PWWP2A: variants seen among roughly 807,000 people sequenced by gnomAD.
PWWP2A encodes PWWP domain containing 2A.
Under a neutral mutation model 48.5 loss-of-function variants are expected in PWWP2A, and 18 were observed. The observed-to-expected ratio is 0.37, with a 90% CI of 0.26 to 0.55. PWWP2A has a LOEUF of 0.55. Among genes scored for constraint, PWWP2A ranks in the 20% least tolerant of loss-of-function variants. The pLI is 0.81. For missense variants in PWWP2A, 867 were observed against 976.4 expected, an observed-to-expected ratio of 0.89 and a Z score of 1.49; for synonymous variants, 396 against 387.7, an observed-to-expected ratio of 1.02 and a Z score of -0.25.
At chr5:160,058,140 C>A, downstream of PWWP2A, among the ~76,000 whole-genome samples, 1 of 152,194 alleles carries the variant, frequency 6.6e-6, no homozygotes, top group Non-Finnish European at 1.5e-5. Flanking sequence ...GAGGAGATTC[C>A]ATCTCAAGAA....
the PWWP2A span, among the ~76,000 whole-genome samples, chr5:160,055,919 C>T: frequency 1.1e-4 from 16 of 152,248 alleles, no homozygotes; most frequent in African/African-American, 3.9e-4. Flanking sequence ...GTTCAGATCT[C>T]AGCTCTCTAT....
intron 1 of PWWP2A, among the ~76,000 whole-genome samples, chr5:160,095,076 A>AAAAAAAAAAAAC (rs1485044426): frequency 1.4e-5 from 2 of 146,660 alleles, no homozygotes; most frequent in African/African-American, 2.5e-5. Context: ...AAAAAAAAAA[A>AAAAAAAAAAAAC]AGACTACTTA....
intron 1 of PWWP2A, chr5:160,105,801 C>T (rs1015003846): frequency 4.9e-6 from 1 of 203,556 alleles, no homozygotes; most frequent in Non-Finnish European, 8.6e-6. Context: ...AAAAATTCCT[C>T]AAAGAAAGGT....
chr5:160,094,857 C>A (rs904371087), intron 1 of PWWP2A, among the ~76,000 whole-genome samples: 1 of 151,544 alleles, frequency 6.6e-6, no homozygotes, highest in Non-Finnish European at 1.5e-5. Flanking sequence ...ACCATCCTGG[C>A]GAACACGGTG....
intron 2 of PWWP2A, among the ~76,000 whole-genome samples, chr5:160,082,269 C>T (rs1363482848): frequency 6.6e-6 from 1 of 151,720 alleles, no homozygotes; most frequent in Non-Finnish European, 1.5e-5. Flanking sequence ...ACGGTGAAAC[C>T]CCGTCTCTAC....
chr5:160,066,078 G>GTTC (rs750626655), intron 4 of PWWP2A, among the ~76,000 whole-genome samples: 1 of 152,090 alleles, frequency 6.6e-6, no homozygotes, highest in African/African-American at 2.4e-5. Flanking sequence ...GGACTATGTG[G>GTTC]TTCTTCTCAT....
chr5:160,115,137 CAAAAA>C (rs535110852), intron 1 of PWWP2A, among the ~76,000 whole-genome samples: 1 of 88,412 alleles, frequency 1.1e-5, no homozygotes, highest in East Asian at 2.9e-4. Flanking sequence ...GAGACTCTGT[CAAAAA>C]AAAAAAAAAA....
chr5:160,066,758 AG>A (rs1753621651), intron 3 of PWWP2A: 1 of 152,130 alleles, frequency 6.6e-6, no homozygotes, highest in Admixed American at 6.6e-5. Context: ...ATGTCAGGCC[AG>A]GAACGATGGA....
exon 4 of PWWP2A, chr5:160,075,937 T>G (rs1339245967): frequency 1.3e-5 from 2 of 152,038 alleles, no homozygotes; most frequent in Non-Finnish European, 2.9e-5. Context: ...TCTTTAACAT[T>G]TAAAACTCTG....
At chr5:160,082,586 CCCTGTGCAATT>C (rs1754324452) in intron 2 of PWWP2A, among the ~76,000 whole-genome samples, 1 of 152,172 alleles carries the variant, frequency 6.6e-6, no homozygotes, top group African/African-American at 2.4e-5. Flanking sequence ...TCTCATGTTT[CCCTGTGCAATT>C]CCTCACCTGC....
intron 1 of PWWP2A, chr5:160,116,632 A>AAAAT (rs1300067604): frequency 7.1e-6 from 7 of 984,072 alleles, no homozygotes; most frequent in Non-Finnish European, 8.4e-6. Flanking sequence ...AAATTTTTTA[A>AAAAT]AAATAAAGCA....
chr5:160,113,707 C>T (rs1285662206), intron 1 of PWWP2A, among the ~76,000 whole-genome samples: 1 of 152,170 alleles, frequency 6.6e-6, no homozygotes, highest in African/African-American at 2.4e-5. Context: ...AGCTTTTACC[C>T]AACTAAAGAA....
rs1755253309 is a variant in PWWP2A at position 160,093,133 on chromosome 5, G to C, written c.1517C>G (p.Pro506Arg). 1.2e-6 allele frequency: 2 copies of C among 1,613,768 alleles called. No individual in the cohort carries two copies. The highest frequency in any genetic ancestry group is 2.7e-5 in the African/African-American group (2 of 74,868). Reference protein sequence around the residue: ...KMRSGKMAPKPQSRCTSTRSA... With the variant: ...KMRSGKMAPKRQSRCTSTRSA... ...GCGGGTAGAGGTGCAGCGAGACTGGGGCTTGGGTGCCATCTTGCCACTCCG... is the reference window on the plus strand; with the variant it reads ...GCGGGTAGAGGTGCAGCGAGACTGGCGCTTGGGTGCCATCTTGCCACTCCG... Residue 506 changes from proline to arginine, a missense_variant, in exon 2 of 2, where the codon CCC becomes CGC. By Grantham distance (103) the Pro-to-Arg change is moderately radical (BLOSUM62 -2). Coordinates refer to ENST00000307063, the MANE Select transcript of PWWP2A (RefSeq NM_001130864.2). The surrounding 1 kb of genome is among the most constrained non-coding windows in gnomAD (Gnocchi z 5.8).
At chr5:160,076,164 C>G (rs749919478) in exon 4 of PWWP2A, 1 of 151,934 alleles carries the variant, frequency 6.6e-6, no homozygotes, top group Non-Finnish European at 1.5e-5. Flanking sequence ...TAACAAAACA[C>G]CTTTGAGAAT....
intron 4 of PWWP2A, among the ~76,000 whole-genome samples, chr5:160,066,217 C>T (rs578095479): frequency 2.0e-5 from 3 of 151,328 alleles, no homozygotes; most frequent in South Asian, 2.1e-4. Context: ...GTATGGAAAC[C>T]GTGTGGAATG....
chr5:160,099,301 C>T (rs1487378094), intron 1 of PWWP2A, among the ~76,000 whole-genome samples: 1 of 152,178 alleles, frequency 6.6e-6, no homozygotes, highest in Non-Finnish European at 1.5e-5. Flanking sequence ...CCAATTTGTG[C>T]AGCATAAAGG....
intron 2 of PWWP2A, among the ~76,000 whole-genome samples, chr5:160,067,399 G>A (rs903339808): frequency 1.3e-5 from 2 of 152,120 alleles, no homozygotes; most frequent in East Asian, 3.9e-4. Flanking sequence ...CTGTCACATC[G>A]TGCCTTGAGC....
the PWWP2A span, among the ~76,000 whole-genome samples, chr5:160,049,023 A>G: frequency 6.6e-6 from 1 of 152,198 alleles, no homozygotes; most frequent in Non-Finnish European, 1.5e-5. Context: ...GACTGGGTAA[A>G]TGACAAGTAG....
Position 160,102,659 on chromosome 5 carries a change from A to G in PWWP2A, c.585-8594T>C, listed in dbSNP as rs74975397. ...AAAGAATTATTAGTGCAAGGGAAAC[A>G]GTAATTACATAGCGGAGAAACAGGA... On this transcript the variant is annotated intron_variant, in intron 1 of 1. Coordinates refer to ENST00000307063, the MANE Select transcript of PWWP2A (RefSeq NM_001130864.2). Among the ~76,000 whole-genome samples the G allele has an allele frequency of 1.0e-3, 156 of 152,330 alleles. 1 individual carries two copies. The East Asian group carries it at 0.027, about 27-fold the overall frequency.
Sources: gnomAD v4.1 joint callset for allele counts (sites outside exome capture counted in the v4.1 genomes callset) on GRCh38, gnomAD v4.1.1 for gene constraint, Gnocchi (gnomAD v3.1) non-coding constraint, MANE v1.5 for transcripts, NCBI Gene and HGNC (gene_info 2026-07-23, HGNC 2026-07-21) for gene names.